DYRK1A: variants seen among roughly 807,000 people sequenced by gnomAD.
DYRK1A encodes the protein dual specificity tyrosine phosphorylation regulated kinase 1A, also known as dual specificity tyrosine-phosphorylation-regulated kinase 1A.
A neutral mutation model predicts 79.7 loss-of-function variants in DYRK1A; 9 were observed. The observed-to-expected ratio is 0.11, with a 90% CI of 0.07 to 0.20. DYRK1A has a LOEUF of 0.20. Among genes scored for constraint, DYRK1A ranks in the 10% least tolerant of loss-of-function variants. DYRK1A has a pLI of 1.00. For synonymous variants in DYRK1A, 349 were observed against 329.7 expected (o/e 1.06, Z -0.63); for missense variants, 622 against 956.0 (o/e 0.65, Z 4.61).
chr21:37,418,722 A>G (rs542778585), intron 1 of DYRK1A, among the ~76,000 whole-genome samples: 14 of 152,314 alleles, frequency 9.2e-5, no homozygotes, highest in African/African-American at 2.9e-4. Context: ...TACAAATAAA[A>G]CTATTCTGAT....
intron 2 of DYRK1A, among the ~76,000 whole-genome samples, chr21:37,452,654 G>A (rs1191893614): frequency 1.3e-5 from 2 of 152,106 alleles, no homozygotes; most frequent in Non-Finnish European, 2.9e-5. Context: ...GAGATGGGGA[G>A]GGGAAGGGAA....
intron 1 of DYRK1A, among the ~76,000 whole-genome samples, chr21:37,386,791 T>C (rs2049769822): frequency 6.6e-6 from 1 of 152,170 alleles, no homozygotes; most frequent in Non-Finnish European, 1.5e-5. Flanking sequence ...ACTGGCAGGC[T>C]CTATCCTCAG....
chr21:37,510,765 C>A (rs896186563), intron 11 of DYRK1A, among the ~76,000 whole-genome samples: 1 of 151,916 alleles, frequency 6.6e-6, no homozygotes, highest in Non-Finnish European at 1.5e-5. Context: ...GTCCAGCAGG[C>A]AGAAGGACTT....
intron 2 of DYRK1A, among the ~76,000 whole-genome samples, chr21:37,452,390 G>GC (rs1394947676): frequency 6.6e-6 from 1 of 152,054 alleles, no homozygotes; most frequent in African/African-American, 2.4e-5. Flanking sequence ...AAGTAAGAGA[G>GC]CGAATAAGAT....
rs1165543832 is a variant in DYRK1A, at chr21:37,525,098, T to A, written c.*12567T>A. 1 of 152,166 alleles carries A rather than the reference T, an allele frequency of 6.6e-6. No individual in the cohort carries two copies. Among genetic ancestry groups the A allele is most frequent in the Non-Finnish European group, 1.5e-5 (1 of 68,044 alleles). 9.4% of individuals were successfully genotyped at this position (152,166 alleles called of 1,614,324 possible). A position where few individuals can be genotyped will look rare whatever the true frequency, so the allele number is the denominator to read the frequency against. ...TGGATGACAGAGTGAGAACATTGTC[T>A]CAAAACAAAAAGTTGAGAAAACGAA... On this transcript the variant is annotated 3_prime_UTR_variant, in exon 12 of 12. Transcript: ENST00000647188.
At position 37,472,888 on chromosome 21, in the gene DYRK1A, C is replaced by T. The variant is rs2052275539; in HGVS notation, c.207+8C>T. 6.6e-7 allele frequency: 1 copy of T among 1,521,812 alleles called. No homozygotes were observed. The highest frequency in any genetic ancestry group is 1.8e-5 in the Admixed American group (1 of 54,220). 94.3% of individuals were successfully genotyped at this position (1,521,812 alleles called of 1,614,324 possible). ...CAACCTCTAACTAACCAGGTAAGTT[C>T]ATGGAGTATCAGAAATGACTATTGG... On this transcript the variant is annotated splice_region_variant and intron_variant, in intron 3 of 11. Coordinates refer to ENST00000647188, the MANE Select transcript of DYRK1A (RefSeq NM_001347721.2).
chr21:37,410,073 A>G (rs1213475212), intron 1 of DYRK1A, among the ~76,000 whole-genome samples: 1 of 152,238 alleles, frequency 6.6e-6, no homozygotes, highest in African/African-American at 2.4e-5. Context: ...TATAAAAACT[A>G]TTTTGAAGGC....
intron 5 of DYRK1A, among the ~76,000 whole-genome samples, chr21:37,483,072 A>G (rs1334786113): frequency 6.6e-6 from 1 of 152,200 alleles, no homozygotes; most frequent in African/African-American, 2.4e-5. Flanking sequence ...CATCCTCCTC[A>G]GCTTACGAAA....
intron 2 of DYRK1A, among the ~76,000 whole-genome samples, chr21:37,437,682 CAGT>C: frequency 6.6e-6 from 1 of 152,256 alleles, no homozygotes; most frequent in East Asian, 1.9e-4. Context: ...TGATACCTAT[CAGT>C]AGTTCACTGT....
intron 7 of DYRK1A, among the ~76,000 whole-genome samples, 180 bp from the exon 8 acceptor site, chr21:37,492,837 A>G (rs567786500): frequency 2.4e-4 from 37 of 152,250 alleles, no homozygotes; most frequent in Admixed American, 4.6e-4. Context: ...AGATTAACCA[A>G]TCCCTCAAAA....
chr21:37,412,085 A>C (rs1465467433), intron 1 of DYRK1A, among the ~76,000 whole-genome samples: 1 of 152,218 alleles, frequency 6.6e-6, no homozygotes, highest in Non-Finnish European at 1.5e-5. Flanking sequence ...AGCAGGAGAT[A>C]AATGCAAGTT....
chr21:37,409,807 C>T (rs2050211434), intron 1 of DYRK1A, among the ~76,000 whole-genome samples: 1 of 152,104 alleles, frequency 6.6e-6, no homozygotes, highest in African/African-American at 2.4e-5. Context: ...TTGGGAAGGG[C>T]TTTGAGTCCT....
intron 1 of DYRK1A, among the ~76,000 whole-genome samples, chr21:37,401,774 C>T (rs949794165): frequency 3.3e-5 from 5 of 152,256 alleles, no homozygotes; most frequent in East Asian, 1.9e-4. Flanking sequence ...TGAGTCACCA[C>T]GCCCAGCCAA....
chr21:37,384,879 G>A (rs1347142805), intron 1 of DYRK1A, among the ~76,000 whole-genome samples: 2 of 152,022 alleles, frequency 1.3e-5, no homozygotes, highest in Non-Finnish European at 2.9e-5. Context: ...TGGTATTTTA[G>A]ACATTTAGAA....
At chr21:37,425,357 G>C (rs1445129277) in intron 2 of DYRK1A, among the ~76,000 whole-genome samples, 1 of 152,104 alleles carries the variant, frequency 6.6e-6, no homozygotes, top group Non-Finnish European at 1.5e-5. Flanking sequence ...GTGGTTTTAA[G>C]AGTTTCTTAT....
chr21:37,471,888 A>T (rs549474521), intron 2 of DYRK1A, among the ~76,000 whole-genome samples: 1 of 152,368 alleles, frequency 6.6e-6, no homozygotes, highest in African/African-American at 2.4e-5. Context: ...CTGTGATTAC[A>T]AATTTGGCTG....
At chr21:37,408,573 T>A (rs1223503160) in intron 1 of DYRK1A, among the ~76,000 whole-genome samples, 1 of 152,236 alleles carries the variant, frequency 6.6e-6, no homozygotes, top group African/African-American at 2.4e-5. Context: ...TATATAAATT[T>A]TTTTTAGCAC....
At chr21:37,470,512 G>A (rs899757220) in intron 2 of DYRK1A, among the ~76,000 whole-genome samples, 1 of 152,104 alleles carries the variant, frequency 6.6e-6, no homozygotes, top group Admixed American at 6.5e-5. Context: ...CAAGGAATAG[G>A]GTCAGTATAG....
chr21:37,512,136 T>A lies in DYRK1A; in HGVS notation c.1870T>A (p.Tyr624Asn), dbSNP rs1264214416. Reference sequence around the variant, plus strand: ...GGGTAACCGGACCAGGCCAAGGGTCTACAATTCTCCAACGAATAGCTCCTC... The same window carrying A: ...GGGTAACCGGACCAGGCCAAGGGTCAACAATTCTCCAACGAATAGCTCCTC... ...ALGNRTRPRVYNSPTNSSSTQ... is the reference protein window; with the variant it reads ...ALGNRTRPRVNNSPTNSSSTQ... Residue 624 changes from tyrosine to asparagine, a missense_variant, in exon 12 of 12, where the codon TAC becomes AAC. Tyr to Asn is a moderately radical substitution (Grantham distance 143, BLOSUM62 -2). Around this residue, in one of 5 missense-constraint regions of DYRK1A, gnomAD observed 292 missense variants for 316.7 expected, o/e 0.92. Transcript: ENST00000647188. 1 of 1,614,096 alleles carries A rather than the reference T, an allele frequency of 6.2e-7. No individual in the cohort carries two copies. The highest frequency in any genetic ancestry group is 1.3e-5 in the African/African-American group (1 of 74,924).
Sources: gnomAD v4.1 joint callset for allele counts (sites outside exome capture counted in the v4.1 genomes callset) on GRCh38, gnomAD v4.1.1 for gene constraint, gnomAD v4.1.1 regional missense constraint, MANE v1.5 for transcripts, NCBI Gene and HGNC (gene_info 2026-07-23, HGNC 2026-07-21) for gene names.